GPATCH2: variants seen among roughly 807,000 people sequenced by gnomAD.
The protein encoded by GPATCH2 is G-patch domain containing 2.
Under a neutral mutation model 58.0 loss-of-function variants are expected in GPATCH2, and 51 were observed. The ratio of observed to expected loss-of-function variants is 0.88; its 90% confidence interval spans 0.70 to 1.11. GPATCH2 has a LOEUF of 1.11. Ranked by LOEUF, GPATCH2 falls within the 50% of genes most tolerant of loss-of-function variation. The pLI, the probability that GPATCH2 is intolerant of heterozygous loss-of-function variation, is 0.00. For synonymous variants in GPATCH2, 222 were observed against 218.5 expected, an observed-to-expected ratio of 1.02 and a Z score of -0.14; for missense variants, 625 against 652.2, an observed-to-expected ratio of 0.96 and a Z score of 0.45.
intron 2 of GPATCH2, among the ~76,000 whole-genome samples, chr1:217,615,649 T>C (rs548746097): frequency 2.8e-4 from 43 of 152,146 alleles, no homozygotes; most frequent in Non-Finnish European, 4.7e-4. Context: ...AGGCAAAATG[T>C]ATTTAAAATT....
chr1:217,603,623 T>C (rs1031007168), intron 5 of GPATCH2, among the ~76,000 whole-genome samples: 1 of 152,054 alleles, frequency 6.6e-6, no homozygotes, highest in Non-Finnish European at 1.5e-5. Context: ...TATTTATTTA[T>C]TTATTTTTAC....
Position 217,611,038 on chromosome 1 carries a change from T to A in GPATCH2, c.869A>T (p.Lys290Met). 6.2e-7 allele frequency: 1 copy of A among 1,613,368 alleles called. No homozygotes were observed. Among genetic ancestry groups the A allele is most frequent in the Non-Finnish European group, 8.5e-7 (1 of 1,179,638 alleles). The change falls in exon 4 of 10, where the codon AAG (lysine) becomes ATG (methionine). Residue 290 changes from lysine (K) to methionine (M), a missense_variant. Coordinates refer to ENST00000366935, the MANE Select transcript of GPATCH2 (RefSeq NM_018040.5). The stretch of plus-strand genomic sequence containing the variant: ...GATACCACATGCTCCACCTGATTCC[T>A]TTTCGTAGAACCAGTCACTCTGTTC... ...DDEQSDWFYE[K>M]ESGGACGITG...
intron 5 of GPATCH2, among the ~76,000 whole-genome samples, chr1:217,574,218 C>T (rs1666701029): frequency 6.6e-6 from 1 of 152,184 alleles, no homozygotes; most frequent in Admixed American, 6.5e-5. Flanking sequence ...AGGATAGTGA[C>T]ACAAAATGTG....
intron 5 of GPATCH2, among the ~76,000 whole-genome samples, chr1:217,536,911 G>A (rs1056137931): frequency 6.6e-6 from 1 of 152,148 alleles, no homozygotes; most frequent in Non-Finnish European, 1.5e-5. Context: ...GGCGGAGGGT[G>A]CAGTGAGCCG....
intron 3 of GPATCH2, among the ~76,000 whole-genome samples, chr1:217,613,446 T>C (rs1413195233): frequency 6.6e-6 from 1 of 152,080 alleles, no homozygotes; most frequent in Admixed American, 6.5e-5. Flanking sequence ...GAAGAAAACA[T>C]TTGTGATAGG....
chr1:217,588,405 A>G (rs536095230), intron 5 of GPATCH2, among the ~76,000 whole-genome samples: 32 of 152,300 alleles, frequency 2.1e-4, no homozygotes, highest in African/African-American at 7.2e-4. Flanking sequence ...AATTTTTTCA[A>G]CTACACAGCT....
chr1:217,578,987 A>G (rs1558499615), intron 5 of GPATCH2, among the ~76,000 whole-genome samples: 1 of 152,220 alleles, frequency 6.6e-6, no homozygotes, highest in Non-Finnish European at 1.5e-5. Flanking sequence ...TTTCACTTAT[A>G]ACATCAAAGG....
chr1:217,538,111 C>T (rs533877846), intron 5 of GPATCH2, among the ~76,000 whole-genome samples: 1 of 152,044 alleles, frequency 6.6e-6, no homozygotes, highest in Non-Finnish European at 1.5e-5. Context: ...AATCTACATC[C>T]ATTTAAAAAA....
At chr1:217,539,833 T>C (rs541251681) in intron 5 of GPATCH2, among the ~76,000 whole-genome samples, 69 of 152,298 alleles carry the variant, frequency 4.5e-4, no homozygotes, top group African/African-American at 1.7e-3. Context: ...ACAATGGCAA[T>C]AGATAACCCT....
Position 217,506,022 on chromosome 1 carries a change from T to C in GPATCH2, c.1167-7627A>G, listed in dbSNP as rs561426362. On this transcript the variant is annotated intron_variant, in intron 6 of 9. Transcript: ENST00000366935. Reference sequence around the variant, plus strand: ...TTTTTGTAGAGACAAGGTTTCACCATGTTGGCCAGGCTGGTCTCGAACTCC... The same window carrying C: ...TTTTTGTAGAGACAAGGTTTCACCACGTTGGCCAGGCTGGTCTCGAACTCC... Among the ~76,000 whole-genome samples the C allele has an allele frequency of 1.7e-4, 26 of 152,310 alleles. 1 individual carries two copies. The South Asian group carries it at 5.4e-3, about 32-fold the overall frequency.
Position 217,491,731 on chromosome 1 carries a change from T to G in GPATCH2, c.1226A>C (p.Asn409Thr). 2.1e-6 allele frequency: 3 copies of G among 1,459,324 alleles called. No homozygotes were observed. Among genetic ancestry groups the G allele is most frequent in the Non-Finnish European group, 1.9e-6 (2 of 1,051,218 alleles). 90.4% of individuals were successfully genotyped at this position (1,459,324 alleles called of 1,614,324 possible). A position where few individuals can be genotyped will look rare whatever the true frequency, so the allele number is the denominator to read the frequency against. The change falls in exon 8 of 10, where the codon AAT becomes ACT. Residue 409 changes from asparagine (N) to threonine (T), a missense_variant. Asn to Thr is a moderately conservative substitution (Grantham distance 65). Transcript: ENST00000366935. The stretch of plus-strand genomic sequence containing the variant: ...TTTCTTGTGTCCTCTTTCAGCTCGA[T>G]TATCTCTCAGAAGCTGATGCTACAC... ...EHDQHQLLRDNRAERGHKKNC... is the reference protein window; with the variant it reads ...EHDQHQLLRDTRAERGHKKNC...
At chr1:217,620,556 A>AT (rs1669136363) in intron 1 of GPATCH2, 57 bp from the exon 2 acceptor site, 7 of 961,536 alleles carry the variant, frequency 7.3e-6, no homozygotes, top group Non-Finnish European at 1.1e-5. Flanking sequence ...CAGTAACCTC[A>AT]TTTTCTATAA....
At chr1:217,601,573 T>C (rs914324819) in intron 5 of GPATCH2, among the ~76,000 whole-genome samples, 3 of 152,006 alleles carry the variant, frequency 2.0e-5, no homozygotes, top group African/African-American at 7.2e-5. Flanking sequence ...CTAAAACCCA[T>C]CCCACCAACT....
chr1:217,476,555 C>T (rs74142464), intron 8 of GPATCH2, among the ~76,000 whole-genome samples: 19,612 of 152,024 alleles, frequency 0.13, 2,418 homozygotes, highest in African/African-American at 0.33. Context: ...TATGAAAGCA[C>T]GTCTATGCTC....
chr1:217,515,728 T>G (rs963585737), intron 5 of GPATCH2, among the ~76,000 whole-genome samples: 1 of 149,344 alleles, frequency 6.7e-6, no homozygotes, highest in Non-Finnish European at 1.5e-5. Flanking sequence ...TAAAAAAAAA[T>G]TTTAAAAAAA....
At chr1:217,595,657 G>A (rs892837531) in intron 5 of GPATCH2, among the ~76,000 whole-genome samples, 5 of 151,810 alleles carry the variant, frequency 3.3e-5, no homozygotes, top group Admixed American at 6.6e-5. Context: ...GTACCACCAC[G>A]CTTGGCTAAT....
At chr1:217,557,211 A>G (rs1239809205) in intron 5 of GPATCH2, among the ~76,000 whole-genome samples, 2 of 152,128 alleles carry the variant, frequency 1.3e-5, no homozygotes, top group Admixed American at 1.3e-4. Flanking sequence ...GTTTCAGACC[A>G]GCCTGGCTAA....
chr1:217,487,852 C>T (rs1661527259), intron 8 of GPATCH2, among the ~76,000 whole-genome samples: 1 of 152,174 alleles, frequency 6.6e-6, no homozygotes, highest in Admixed American at 6.5e-5. Flanking sequence ...AAGTGATTCT[C>T]CTGCCTCAGC....
intron 5 of GPATCH2, among the ~76,000 whole-genome samples, chr1:217,600,315 T>C (rs1668050202): frequency 6.6e-6 from 1 of 152,160 alleles, no homozygotes; most frequent in African/African-American, 2.4e-5. Context: ...TCCCCTTTCC[T>C]GGATGACAGT....
Sources: allele counts gnomAD v4.1 joint callset (sites outside exome capture counted in the v4.1 genomes callset), GRCh38; gene constraint gnomAD v4.1.1; transcripts MANE v1.5; gene names NCBI Gene and HGNC (gene_info 2026-07-23, HGNC 2026-07-21).